LINGO2: variants seen among roughly 807,000 people sequenced by gnomAD.
The protein encoded by LINGO2 is leucine-rich repeat and immunoglobulin-like domain-containing nogo receptor-interacting protein 2.
LINGO2 carries 14 observed loss-of-function variants against 30.6 expected under a neutral mutation model. That is an observed-to-expected ratio of 0.46 (90% confidence interval 0.30 to 0.72). The LOEUF (loss-of-function observed/expected upper bound fraction) is 0.72. LINGO2 is among the 30% of genes least tolerant of loss of function. LINGO2 has a pLI of 0.07. For synonymous variants in LINGO2, 317 were observed against 288.5 expected, an observed-to-expected ratio of 1.10 and a Z score of -1.00; for missense variants, 729 against 751.7, an observed-to-expected ratio of 0.97 and a Z score of 0.35.
chr9:28,353,724 T>C (rs1238245094), intron 3 of LINGO2, among the ~76,000 whole-genome samples: 1 of 152,088 alleles, frequency 6.6e-6, no homozygotes, highest in Non-Finnish European at 1.5e-5. Context: ...TGCGGCACTA[T>C]TCACAATAGC....
chr9:29,153,904 A>C, the LINGO2 span, among the ~76,000 whole-genome samples: 9 of 152,214 alleles, frequency 5.9e-5, no homozygotes, highest in African/African-American at 2.2e-4. Context: ...ATCAAGGCTC[A>C]GAACAACTGC....
At chr9:29,098,637 T>G in the LINGO2 span, among the ~76,000 whole-genome samples, 1 of 151,974 alleles carries the variant, frequency 6.6e-6, no homozygotes, top group Admixed American at 6.6e-5. Flanking sequence ...AGGGGAAGAG[T>G]GGCATTAGCT....
the LINGO2 span, among the ~76,000 whole-genome samples, chr9:28,774,739 C>T: frequency 0.47 from 70,998 of 152,026 alleles, 19,451 homozygotes; most frequent in African/African-American, 0.78. Context: ...AAGTAAATTA[C>T]GTTCAGGAAT....
the LINGO2 span, among the ~76,000 whole-genome samples, chr9:28,964,121 T>C: frequency 2.4e-4 from 37 of 151,970 alleles, no homozygotes; most frequent in African/African-American, 8.4e-4. Context: ...TATATATATA[T>C]ACACACATAC....
At chr9:28,208,481 T>C (rs554329442) in intron 4 of LINGO2, among the ~76,000 whole-genome samples, 79 of 152,134 alleles carry the variant, frequency 5.2e-4, no homozygotes, top group African/African-American at 1.9e-3. Flanking sequence ...TATTTCAAGG[T>C]TCTTGGGGGC....
the LINGO2 span, among the ~76,000 whole-genome samples, chr9:28,718,832 T>C: frequency 1.3e-5 from 2 of 152,090 alleles, no homozygotes; most frequent in Non-Finnish European, 1.5e-5. Flanking sequence ...CCTCCTGAAC[T>C]TTCTGGTCAT....
the LINGO2 span, among the ~76,000 whole-genome samples, chr9:29,060,098 C>T: frequency 5.3e-5 from 8 of 152,096 alleles, no homozygotes; most frequent in South Asian, 2.1e-4. Flanking sequence ...TTGAATATTT[C>T]GTTTTTCTTC....
At chr9:28,133,969 T>C (rs1396207534) in intron 4 of LINGO2, among the ~76,000 whole-genome samples, 1 of 152,176 alleles carries the variant, frequency 6.6e-6, no homozygotes, top group Non-Finnish European at 1.5e-5. Context: ...CAAAAAGAAC[T>C]CTCAATAAAT....
intron 4 of LINGO2, among the ~76,000 whole-genome samples, chr9:28,073,625 C>T (rs1171497348): frequency 2.6e-5 from 4 of 152,178 alleles, no homozygotes; most frequent in African/African-American, 9.6e-5. Context: ...CTGAGGTTCT[C>T]CTAAAATCTA....
chr9:28,242,487 C>A (rs994333115), intron 4 of LINGO2, among the ~76,000 whole-genome samples: 2 of 152,016 alleles, frequency 1.3e-5, no homozygotes, highest in African/African-American at 4.8e-5. Context: ...AAAGACCAAA[C>A]CAACGACTGA....
chr9:28,922,533 C>A, the LINGO2 span, among the ~76,000 whole-genome samples: 4 of 152,086 alleles, frequency 2.6e-5, no homozygotes, highest in African/African-American at 9.7e-5. Flanking sequence ...TGCGTAATAA[C>A]CTTATTGTAA....
intron 1 of LINGO2, among the ~76,000 whole-genome samples, chr9:28,660,137 A>G (rs1246263085): frequency 6.6e-6 from 1 of 150,692 alleles, no homozygotes; most frequent in East Asian, 1.9e-4. Context: ...ATTGTAGTTA[A>G]GTTATTTTGA....
the LINGO2 span, among the ~76,000 whole-genome samples, chr9:29,063,095 G>C: frequency 2.6e-5 from 4 of 152,040 alleles, no homozygotes; most frequent in African/African-American, 4.8e-5. Context: ...GAAATAGAAA[G>C]GTTTTTTGTT....
chr9:28,427,927 G>A (rs1823480962), intron 2 of LINGO2, among the ~76,000 whole-genome samples: 1 of 152,012 alleles, frequency 6.6e-6, no homozygotes, highest in Admixed American at 6.6e-5. Context: ...TTCTTCAATT[G>A]AGACCCTTGA....
At chr9:28,903,640 G>A in the LINGO2 span, among the ~76,000 whole-genome samples, 4 of 151,990 alleles carry the variant, frequency 2.6e-5, no homozygotes, top group African/African-American at 9.7e-5. Flanking sequence ...TACCATGCTT[G>A]GCTAATTTAT....
the LINGO2 span, among the ~76,000 whole-genome samples, chr9:29,057,203 T>A: frequency 6.6e-6 from 1 of 152,198 alleles, no homozygotes; most frequent in African/African-American, 2.4e-5. Flanking sequence ...ATGGTCATTT[T>A]CACAATATTG....
At chr9:28,691,085 A>G in the LINGO2 span, among the ~76,000 whole-genome samples, 3 of 152,346 alleles carry the variant, frequency 2.0e-5, no homozygotes, top group Non-Finnish European at 4.4e-5. Context: ...TCAGCCCAGC[A>G]GCATCAATGG....
intron 3 of LINGO2, among the ~76,000 whole-genome samples, chr9:28,306,143 C>T (rs150958623): frequency 0.022 from 3,395 of 152,036 alleles, 159 homozygotes; most frequent in East Asian, 0.2. Context: ...CTTCCATAAT[C>T]TGTTGGTTTA....
At chr9:29,106,129 A>T in the LINGO2 span, among the ~76,000 whole-genome samples, 1 of 152,172 alleles carries the variant, frequency 6.6e-6, no homozygotes, top group Non-Finnish European at 1.5e-5. Flanking sequence ...TAATACAGGA[A>T]GGGATCAAGT....
Sources: gnomAD v4.1 joint callset for allele counts (sites outside exome capture counted in the v4.1 genomes callset) on GRCh38, gnomAD v4.1.1 for gene constraint, MANE v1.5 for transcripts, NCBI Gene and HGNC (gene_info 2026-07-23, HGNC 2026-07-21) for gene names.